The following KCNIP1 variants were observed in gnomAD, a reference collection of about 807,000 sequenced individuals.
KCNIP1 encodes A-type potassium channel modulatory protein KCNIP1.
In KCNIP1, 18 loss-of-function variants were observed where a neutral mutation model predicts 33.0. The observed-to-expected ratio is 0.55, with a 90% confidence interval of 0.38 to 0.81. The LOEUF is 0.81. Among genes scored for constraint, KCNIP1 ranks in the 30% least tolerant of loss-of-function variants. The probability of loss-of-function intolerance (pLI) is 0.00; values close to 1 mark genes in which losing one functional copy is unlikely to be tolerated. For missense variants in KCNIP1, 238 were observed against 271.6 expected, an observed-to-expected ratio of 0.88 and a Z score of 0.87; for synonymous variants, 93 against 98.3, an observed-to-expected ratio of 0.95 and a Z score of 0.32.
chr5:170,634,374 C>T lies in KCNIP1; in HGVS notation c.62-84384C>T, dbSNP rs1234674830. Among the ~76,000 whole-genome samples the T allele has an allele frequency of 2.6e-5, 4 of 152,130 alleles. 1 individual carries two copies. The highest frequency in any genetic ancestry group is 2.6e-4 in the Admixed American group (4 of 15,276). ...CGCCCACCCCTGCACCCCTGAGTTG[C>T]AATAGGCCCAAAATGATTCAATAGG... On this transcript the variant is annotated intron_variant, in intron 1 of 7. Coordinates refer to ENST00000328939, the MANE Select transcript of KCNIP1 (RefSeq NM_014592.4).
At chr5:170,580,895 G>T (rs1757768077) in intron 1 of KCNIP1, among the ~76,000 whole-genome samples, 1 of 152,144 alleles carries the variant, frequency 6.6e-6, no homozygotes, top group Admixed American at 6.5e-5. Flanking sequence ...AGGCTGCCTT[G>T]GAAAGTAGTA....
At chr5:170,565,833 T>C (rs1354674651) in intron 1 of KCNIP1, among the ~76,000 whole-genome samples, 1 of 152,190 alleles carries the variant, frequency 6.6e-6, no homozygotes, top group Non-Finnish European at 1.5e-5. Context: ...AGCAATTAGA[T>C]AAGGTATTTA....
intron 1 of KCNIP1, among the ~76,000 whole-genome samples, chr5:170,618,610 T>C (rs1324613131): frequency 6.7e-6 from 1 of 148,898 alleles, no homozygotes; most frequent in Non-Finnish European, 1.5e-5. Context: ...CTGATTGGCA[T>C]GAAGGGCAAT....
At chr5:170,549,592 A>G (rs1756535284) in intron 1 of KCNIP1, among the ~76,000 whole-genome samples, 1 of 152,260 alleles carries the variant, frequency 6.6e-6, no homozygotes, top group Non-Finnish European at 1.5e-5. Flanking sequence ...ACCATTGAAC[A>G]CTTGATTTAA....
chr5:170,709,613 T>C (rs990512094), intron 1 of KCNIP1, among the ~76,000 whole-genome samples: 1 of 152,230 alleles, frequency 6.6e-6, no homozygotes, highest in Non-Finnish European at 1.5e-5. Context: ...TTTTTTAATT[T>C]TTCAGTGGTT....
intron 1 of KCNIP1, among the ~76,000 whole-genome samples, chr5:170,538,383 C>G (rs1271586404): frequency 6.6e-6 from 1 of 152,126 alleles, no homozygotes; most frequent in Non-Finnish European, 1.5e-5. Context: ...GACTGTTATT[C>G]CCAACCCCCT....
intron 1 of KCNIP1, among the ~76,000 whole-genome samples, chr5:170,661,905 C>G (rs1179972899): frequency 6.6e-6 from 1 of 152,206 alleles, no homozygotes; most frequent in East Asian, 1.9e-4. Context: ...TGGGTCCCCT[C>G]TCAATGTGTA....
intron 1 of KCNIP1, among the ~76,000 whole-genome samples, chr5:170,695,647 T>C (rs1762865108): frequency 1.3e-5 from 2 of 152,226 alleles, no homozygotes; most frequent in African/African-American, 4.8e-5. Flanking sequence ...TTGAGGCTAT[T>C]ATAAACTTGA....
intron 1 of KCNIP1, among the ~76,000 whole-genome samples, chr5:170,480,476 ATT>A (rs11428676): frequency 1.5e-5 from 2 of 137,900 alleles, no homozygotes; most frequent in African/African-American, 2.7e-5. Context: ...GAGACTAGGG[ATT>A]TTTTTTTTTT....
intron 5 of KCNIP1, among the ~76,000 whole-genome samples, chr5:170,730,835 T>G (rs1339110604): frequency 7.2e-6 from 1 of 138,682 alleles, no homozygotes; most frequent in African/African-American, 2.6e-5. Flanking sequence ...GGTATAAAAG[T>G]GCTTAAAAAA....
At chr5:170,589,240 C>A (rs1758115680) in intron 1 of KCNIP1, among the ~76,000 whole-genome samples, 1 of 152,104 alleles carries the variant, frequency 6.6e-6, no homozygotes, top group South Asian at 2.1e-4. Context: ...ACCTCTTGAT[C>A]CACCCGCCTC....
At chr5:170,714,024 TA>T (rs71575594) in intron 1 of KCNIP1, among the ~76,000 whole-genome samples, 12,217 of 137,136 alleles carry the variant, frequency 0.089, 489 homozygotes, top group Middle Eastern at 0.14. Context: ...AAATCCATCT[TA>T]AAAAAAAAAA....
chr5:170,709,739 T>G (rs1763380932), intron 1 of KCNIP1, among the ~76,000 whole-genome samples: 1 of 152,238 alleles, frequency 6.6e-6, no homozygotes, highest in African/African-American at 2.4e-5. Flanking sequence ...TGTTCATTTA[T>G]TAGCTCTTTA....
intron 5 of KCNIP1, among the ~76,000 whole-genome samples, chr5:170,730,434 A>T (rs1764156334): frequency 6.6e-6 from 1 of 152,188 alleles, no homozygotes; most frequent in South Asian, 2.1e-4. Context: ...CTCAGAAAAG[A>T]TAGCAGGATC....
intron 1 of KCNIP1, among the ~76,000 whole-genome samples, chr5:170,385,132 G>A (rs1000729329): frequency 3.3e-5 from 5 of 152,172 alleles, no homozygotes; most frequent in African/African-American, 9.7e-5. Flanking sequence ...TCAGACCAGT[G>A]GGGCTCAGTT....
At chr5:170,618,807 C>G (rs1466467872) in intron 1 of KCNIP1, among the ~76,000 whole-genome samples, 1 of 152,138 alleles carries the variant, frequency 6.6e-6, no homozygotes, top group African/African-American at 2.4e-5. Context: ...GAGCATAGCC[C>G]TTTATAAAGA....
rs370654981 is a variant in KCNIP1, at chr5:170,484,380, C to T, written c.88+130416C>T. Among the ~76,000 whole-genome samples the T allele has an allele frequency of 7.7e-4, 117 of 152,156 alleles. 1 individual carries two copies. The South Asian group carries it at 9.1e-3, about 12-fold the overall frequency. On this transcript the variant is annotated intron_variant, in intron 1 of 7. Coordinates refer to the KCNIP1 transcript ENST00000377360. The stretch of plus-strand genomic sequence containing the variant: ...ATAGACCATTTAGAGCTTCAGATGG[C>T]GAAAACAAGCTGATCAGGTGCAGGC...
At chr5:170,645,729 C>T (rs1760757990) in intron 1 of KCNIP1, among the ~76,000 whole-genome samples, 1 of 152,144 alleles carries the variant, frequency 6.6e-6, no homozygotes, top group Admixed American at 6.5e-5. Flanking sequence ...AGTCATTAAA[C>T]ATACTTAACA....
intron 1 of KCNIP1, among the ~76,000 whole-genome samples, chr5:170,543,559 G>C (rs1002721652): frequency 3.9e-5 from 6 of 152,202 alleles, no homozygotes; most frequent in Non-Finnish European, 7.3e-5. Flanking sequence ...TCTTAGCACA[G>C]TCTAACAGTT....
Sources: gnomAD v4.1 joint callset for allele counts (sites outside exome capture counted in the v4.1 genomes callset) on GRCh38, gnomAD v4.1.1 for gene constraint, MANE v1.5 for transcripts, NCBI Gene and HGNC (gene_info 2026-07-23, HGNC 2026-07-21) for gene names.